ALK: variants seen among roughly 807,000 people sequenced by gnomAD.
The protein encoded by ALK is ALK receptor tyrosine kinase.
A neutral mutation model predicts 163.1 loss-of-function variants in ALK; 74 were observed. The observed-to-expected ratio is 0.45, with a 90% CI of 0.38 to 0.55. The LOEUF (loss-of-function observed/expected upper bound fraction) is 0.55. ALK is among the 20% of genes least tolerant of loss of function. The probability of loss-of-function intolerance (pLI) is 0.00; values close to 1 mark genes in which losing one functional copy is unlikely to be tolerated. For missense variants in ALK, 2,063 were observed against 2,105.3 expected (o/e 0.98, Z 0.39); for synonymous variants, 960 against 843.2 (o/e 1.14, Z -2.40).
At chr2:29,487,089 T>C (rs1057355827) in intron 4 of ALK, among the ~76,000 whole-genome samples, 9 of 152,222 alleles carry the variant, frequency 5.9e-5, no homozygotes, top group African/African-American at 2.2e-4. Context: ...AGCAGGACTA[T>C]GCATTTTCAG....
At chr2:29,664,437 T>G (rs951394203) in intron 3 of ALK, among the ~76,000 whole-genome samples, 4 of 152,094 alleles carry the variant, frequency 2.6e-5, no homozygotes, top group African/African-American at 7.2e-5. Context: ...CCCACTTCCA[T>G]TTGGGAGTAG....
At chr2:29,776,044 T>C (rs550040455) in intron 1 of ALK, among the ~76,000 whole-genome samples, 54 of 152,292 alleles carry the variant, frequency 3.5e-4, no homozygotes, top group African/African-American at 1.1e-3. Flanking sequence ...AACCATGTTA[T>C]TGATGGTACT....
intron 4 of ALK, among the ~76,000 whole-genome samples, chr2:29,398,286 T>C (rs72792442): frequency 0.087 from 13,219 of 152,166 alleles, 795 homozygotes; most frequent in East Asian, 0.35. Context: ...CCTAATACAC[T>C]GGAAGCTGTA....
intron 7 of ALK, among the ~76,000 whole-genome samples, chr2:29,319,636 GA>G (rs1367937275): frequency 1.3e-5 from 2 of 152,224 alleles, no homozygotes; most frequent in African/African-American, 4.8e-5. Flanking sequence ...CTGTGATTGA[GA>G]ACAACAGCAT....
At chr2:29,254,905 C>T (rs1383333541) in intron 11 of ALK, among the ~76,000 whole-genome samples, 1 of 152,114 alleles carries the variant, frequency 6.6e-6, no homozygotes, top group Non-Finnish European at 1.5e-5. Flanking sequence ...AGTGGACATA[C>T]ATTAGTCTCC....
chr2:29,608,270 T>A (rs1291755631), intron 3 of ALK, among the ~76,000 whole-genome samples: 1 of 152,240 alleles, frequency 6.6e-6, no homozygotes, highest in Non-Finnish European at 1.5e-5. Flanking sequence ...TTGTTAGCTG[T>A]CTGTCTTCCC....
chr2:29,791,500 G>T (rs1364183095), intron 1 of ALK, among the ~76,000 whole-genome samples: 1 of 152,156 alleles, frequency 6.6e-6, no homozygotes, highest in African/African-American at 2.4e-5. Context: ...GTAGGGGAGA[G>T]ATAGCATTAG....
At chr2:29,888,299 G>T (rs1667046486) in intron 1 of ALK, among the ~76,000 whole-genome samples, 3 of 141,400 alleles carry the variant, frequency 2.1e-5, no homozygotes, top group Admixed American at 1.4e-4. Flanking sequence ...AATGATCAAT[G>T]ATCACAATTT....
intron 1 of ALK, among the ~76,000 whole-genome samples, chr2:29,816,748 G>T (rs981741010): frequency 1.3e-5 from 2 of 152,102 alleles, no homozygotes; most frequent in Non-Finnish European, 2.9e-5. Flanking sequence ...CTGTGCCTCT[G>T]ACTTCTCATC....
At chr2:29,614,389 A>T (rs1435699074) in intron 3 of ALK, among the ~76,000 whole-genome samples, 1 of 152,208 alleles carries the variant, frequency 6.6e-6, no homozygotes, top group African/African-American at 2.4e-5. Context: ...GAACCATGGT[A>T]GGCCCTGTGA....
chr2:29,256,113 G>T (rs1287084786), intron 11 of ALK, among the ~76,000 whole-genome samples: 1 of 152,202 alleles, frequency 6.6e-6, no homozygotes, highest in Non-Finnish European at 1.5e-5. Context: ...CCACTTTGTG[G>T]ATCAAAGTGA....
At chr2:29,756,250 G>GCTCAAA (rs1558474372) in intron 1 of ALK, among the ~76,000 whole-genome samples, 3 of 152,202 alleles carry the variant, frequency 2.0e-5, no homozygotes, top group Non-Finnish European at 4.4e-5. Context: ...CATTTCCCGG[G>GCTCAAA]AGGACCTTCC....
At chr2:29,485,157 T>G (rs2148121039) in intron 4 of ALK, among the ~76,000 whole-genome samples, 1 of 152,294 alleles carries the variant, frequency 6.6e-6, no homozygotes, top group Admixed American at 6.5e-5. Flanking sequence ...TCTGATGCCC[T>G]TTTAGACTAT....
rs1327423432 is a variant in ALK, at chr2:29,581,306, T to C, written c.953-49190A>G. On this transcript the variant is annotated intron_variant, in intron 3 of 28. Coordinates refer to ENST00000389048, the MANE Select transcript of ALK (RefSeq NM_004304.5). ...GGGAGGCTGAGGCAGGAGAATCGCT[T>C]GAACCCGGGAGGTGGAGGTTGCAGT... Among the ~76,000 whole-genome samples the C allele has an allele frequency of 2.6e-5, 4 of 152,306 alleles. No individual in the cohort carries two copies. The East Asian group carries it at 7.7e-4, about 29-fold the overall frequency.
intron 3 of ALK, among the ~76,000 whole-genome samples, chr2:29,604,888 A>T (rs1176335690): frequency 6.6e-6 from 1 of 152,026 alleles, no homozygotes; most frequent in East Asian, 1.9e-4. Context: ...ATTGGTGTTA[A>T]CTCTTGTCTC....
chr2:29,854,492 G>A (rs1334818254), intron 1 of ALK, among the ~76,000 whole-genome samples: 1 of 152,062 alleles, frequency 6.6e-6, no homozygotes, highest in African/African-American at 2.4e-5. Context: ...TGTAGGCTGA[G>A]GCTTCCTGAG....
chr2:29,766,749 C>G (rs1294556850), intron 1 of ALK, among the ~76,000 whole-genome samples: 3 of 152,130 alleles, frequency 2.0e-5, no homozygotes, highest in African/African-American at 7.2e-5. Flanking sequence ...TGAATATAAT[C>G]CTTTATGTAC....
At chr2:29,292,898 C>T (rs1042908272) in intron 9 of ALK, among the ~76,000 whole-genome samples, 7 of 152,262 alleles carry the variant, frequency 4.6e-5, no homozygotes, top group Non-Finnish European at 7.4e-5. Context: ...CGAGCCTTCC[C>T]GAGGACTACT....
At chr2:29,463,953 T>C (rs1407290232) in intron 4 of ALK, among the ~76,000 whole-genome samples, 1 of 152,190 alleles carries the variant, frequency 6.6e-6, no homozygotes, top group Non-Finnish European at 1.5e-5. Flanking sequence ...TCAGAAAAGT[T>C]ACACTTTCCC....
Sources: allele counts gnomAD v4.1 joint callset (sites outside exome capture counted in the v4.1 genomes callset), GRCh38; gene constraint gnomAD v4.1.1; transcripts MANE v1.5; gene names NCBI Gene and HGNC (gene_info 2026-07-23, HGNC 2026-07-21).